Variants in RAB31 observed in about 807,000 individuals in gnomAD.
RAB31 encodes ras-related protein Rab-31.
In RAB31, 21 loss-of-function variants were observed where a neutral mutation model predicts 25.6. The ratio of observed to expected loss-of-function variants is 0.82; its 90% confidence interval spans 0.58 to 1.18. RAB31 has a LOEUF of 1.18. Ranked by LOEUF, RAB31 falls within the 50% of genes most tolerant of loss-of-function variation. RAB31 has a pLI of 0.00. For synonymous variants in RAB31, 87 were observed against 84.0 expected (o/e 1.04, Z -0.20); for missense variants, 196 against 250.1 (o/e 0.78, Z 1.46).
At chr18:9,818,078 C>T (rs1050134457) in intron 5 of RAB31, among the ~76,000 whole-genome samples, 1 of 152,170 alleles carries the variant, frequency 6.6e-6, no homozygotes, top group Non-Finnish European at 1.5e-5. Context: ...TTTTGTTATA[C>T]ACAGTTATTT....
chr18:9,745,211 A>G (rs960443217), intron 1 of RAB31, among the ~76,000 whole-genome samples: 8 of 152,242 alleles, frequency 5.3e-5, no homozygotes. Context: ...TAGAAGAATT[A>G]GACAAATTCC....
chr18:9,713,497 CTG>C (rs558334549), intron 1 of RAB31, among the ~76,000 whole-genome samples: 36 of 152,260 alleles, frequency 2.4e-4, no homozygotes, highest in African/African-American at 8.4e-4. Context: ...TATGGTAACA[CTG>C]TGTCTTATGC....
intron 3 of RAB31, chr18:9,797,344 C>T (rs1038214698): frequency 2.0e-5 from 3 of 152,118 alleles, no homozygotes; most frequent in African/African-American, 4.8e-5. Flanking sequence ...TTTTGCGAAT[C>T]GCTGGCTTAA....
chr18:9,861,330 G>A lies in RAB31; in HGVS notation c.*2005G>A, dbSNP rs190643362. The A allele has an allele frequency of 6.6e-6, 1 of 152,222 alleles. No individual in the cohort carries two copies. Among genetic ancestry groups the A allele is most frequent in the African/African-American group, 2.4e-5 (1 of 41,530 alleles). 9.4% of individuals were successfully genotyped at this position (152,222 alleles called of 1,614,324 possible). A position where few individuals can be genotyped will look rare whatever the true frequency, so the allele number is the denominator to read the frequency against. On this transcript the variant is annotated 3_prime_UTR_variant, in exon 7 of 7. Transcript: ENST00000578921. ...GTTTTGCATAAAATGTCTAGTCTTT[G>A]CCACAGATAGTGAGCTACCCACTAA...
At chr18:9,743,549 A>G (rs893389262) in intron 1 of RAB31, among the ~76,000 whole-genome samples, 15 of 152,200 alleles carry the variant, frequency 9.9e-5, no homozygotes, top group Admixed American at 5.2e-4. Flanking sequence ...CCAGATGGAC[A>G]TGGAGTTGGG....
At chr18:9,752,589 A>G (rs1412686380) in intron 1 of RAB31, among the ~76,000 whole-genome samples, 1 of 152,232 alleles carries the variant, frequency 6.6e-6, no homozygotes, top group Non-Finnish European at 1.5e-5. Context: ...TGCAGCTTTC[A>G]TCAGCTCCAG....
chr18:9,830,305 A>G (rs984368970), intron 5 of RAB31: 2 of 151,898 alleles, frequency 1.3e-5, no homozygotes, highest in African/African-American at 4.8e-5. Flanking sequence ...GAAACACCGC[A>G]CCCAGTTCTT....
intron 3 of RAB31, among the ~76,000 whole-genome samples, chr18:9,802,246 A>C (rs547716295): frequency 3.9e-5 from 6 of 152,224 alleles, no homozygotes; most frequent in Non-Finnish European, 7.3e-5. Context: ...GATTATGTTG[A>C]CTTTGTAGAT....
intron 5 of RAB31, among the ~76,000 whole-genome samples, chr18:9,835,825 A>T (rs1043063459): frequency 6.6e-6 from 1 of 152,158 alleles, no homozygotes; most frequent in Non-Finnish European, 1.5e-5. Context: ...TTGCTGCTTT[A>T]ATTATTGTTA....
intron 5 of RAB31, among the ~76,000 whole-genome samples, chr18:9,832,694 A>G (rs1214177835): frequency 6.6e-6 from 1 of 152,214 alleles, no homozygotes; most frequent in Non-Finnish European, 1.5e-5. Flanking sequence ...GGTGGGGAAC[A>G]GGGAATCAGG....
chr18:9,756,825 T>A (rs1162007099), intron 1 of RAB31, among the ~76,000 whole-genome samples: 1 of 152,252 alleles, frequency 6.6e-6, no homozygotes, highest in Non-Finnish European at 1.5e-5. Context: ...TCCAGTCCTC[T>A]TAAAATTCCA....
intron 3 of RAB31, among the ~76,000 whole-genome samples, chr18:9,804,540 TC>T (rs2068530209): frequency 6.6e-6 from 1 of 152,168 alleles, no homozygotes; most frequent in African/African-American, 2.4e-5. Flanking sequence ...TTTCCTCTCC[TC>T]CCTTCCACTC....
At chr18:9,803,174 G>A (rs955642022) in intron 3 of RAB31, among the ~76,000 whole-genome samples, 3 of 151,816 alleles carry the variant, frequency 2.0e-5, no homozygotes, top group Non-Finnish European at 4.4e-5. Flanking sequence ...GAGTACATGC[G>A]AGTTTTTGCT....
intron 1 of RAB31, among the ~76,000 whole-genome samples, chr18:9,738,839 C>G (rs1407585771): frequency 6.6e-6 from 1 of 152,182 alleles, no homozygotes; most frequent in Non-Finnish European, 1.5e-5. Context: ...CCTTGTAGGA[C>G]TCAGCCTCCC....
At chr18:9,840,299 G>A (rs1217321732) in intron 5 of RAB31, among the ~76,000 whole-genome samples, 2 of 152,122 alleles carry the variant, frequency 1.3e-5, no homozygotes. Context: ...TTATACCTTG[G>A]CTTGGGTGAA....
intron 1 of RAB31, among the ~76,000 whole-genome samples, chr18:9,732,098 C>G (rs1175994933): frequency 6.6e-6 from 1 of 152,214 alleles, no homozygotes; most frequent in Non-Finnish European, 1.5e-5. Flanking sequence ...GCCTCCGTCT[C>G]CCTCAGCTCT....
chr18:9,830,988 C>T (rs2068675336), intron 5 of RAB31, among the ~76,000 whole-genome samples: 1 of 152,194 alleles, frequency 6.6e-6, no homozygotes, highest in Admixed American at 6.5e-5. Context: ...TCATACGTTG[C>T]GTGTCATGTG....
At chr18:9,780,672 T>C (rs879348975) in intron 2 of RAB31, among the ~76,000 whole-genome samples, 7 of 152,264 alleles carry the variant, frequency 4.6e-5, no homozygotes, top group Non-Finnish European at 7.3e-5. Flanking sequence ...GGCTCACGCC[T>C]GTAATCCCAG....
chr18:9,722,422 G>C (rs916109155), intron 1 of RAB31, among the ~76,000 whole-genome samples: 1 of 152,086 alleles, frequency 6.6e-6, no homozygotes, highest in African/African-American at 2.4e-5. Flanking sequence ...GAGCACAAGG[G>C]AATTAAACCA....
Sources: allele counts gnomAD v4.1 joint callset (sites outside exome capture counted in the v4.1 genomes callset), GRCh38; gene constraint gnomAD v4.1.1; transcripts MANE v1.5; gene names NCBI Gene and HGNC (gene_info 2026-07-23, HGNC 2026-07-21).